Variants in UVRAG observed in about 807,000 individuals in gnomAD.
UVRAG encodes the protein UV radiation resistance associated, also known as UV radiation resistance-associated gene protein.
A neutral mutation model predicts 78.0 loss-of-function variants in UVRAG; 19 were observed. The observed-to-expected ratio is 0.24, with a 90% CI of 0.17 to 0.36. The LOEUF is 0.36. UVRAG is among the 10% of genes least tolerant of loss of function. The pLI is 1.00. For missense variants in UVRAG, 740 were observed against 853.8 expected, an observed-to-expected ratio of 0.87 and a Z score of 1.66; for synonymous variants, 323 against 324.6, an observed-to-expected ratio of 1.00 and a Z score of 0.05.
At chr11:75,969,156 C>A (rs547201438) in intron 7 of UVRAG, among the ~76,000 whole-genome samples, 2 of 152,302 alleles carry the variant, frequency 1.3e-5, no homozygotes, top group East Asian at 3.9e-4. Flanking sequence ...CCTCTACTCC[C>A]AGCCCCTGGC....
At chr11:76,129,524 T>C (rs972538566) in intron 14 of UVRAG, among the ~76,000 whole-genome samples, 7 of 152,316 alleles carry the variant, frequency 4.6e-5, no homozygotes, top group African/African-American at 1.7e-4. Flanking sequence ...CACAGCACAT[T>C]CTAAGTGCCC....
rs373109491 is a variant in UVRAG, at chr11:75,863,174, C to T, written c.270+1394C>T. ...GATTTGGATTCTAGGCCAGACAGTT[C>T]CTTGAGTCCATCTCTGGGGAGGTCC... On this transcript the variant is annotated intron_variant, in intron 3 of 14. Coordinates refer to ENST00000356136, the MANE Select transcript of UVRAG (RefSeq NM_003369.4). Among the ~76,000 whole-genome samples the T allele has an allele frequency of 5.3e-5, 8 of 152,294 alleles. No homozygotes were observed. In the East Asian group the frequency reaches 9.6e-4, roughly 18 times the overall value.
chr11:75,832,414 A>G (rs1945678798), intron 1 of UVRAG, among the ~76,000 whole-genome samples: 1 of 152,216 alleles, frequency 6.6e-6, no homozygotes, highest in Admixed American at 6.5e-5. Context: ...GGCTCACAGA[A>G]CTCAAGAAAA....
At chr11:75,996,088 C>T (rs1160196809) in intron 8 of UVRAG, among the ~76,000 whole-genome samples, 1 of 151,928 alleles carries the variant, frequency 6.6e-6, no homozygotes, top group Non-Finnish European at 1.5e-5. Flanking sequence ...CCAGTAATGT[C>T]TTATTTGTTT....
At chr11:76,065,638 C>T in intron 12 of UVRAG, 72 bp from the exon 13 acceptor site, 1 of 1,399,732 alleles carries the variant, frequency 7.1e-7, no homozygotes, top group South Asian at 1.2e-5. Context: ...GAAACTTCAG[C>T]CTCTGTTGAC....
intron 1 of UVRAG, among the ~76,000 whole-genome samples, chr11:75,843,823 G>T (rs1249773883): frequency 1.3e-5 from 2 of 152,120 alleles, no homozygotes; most frequent in Admixed American, 1.3e-4. Context: ...CCTGGGTGTG[G>T]TGGCAGGCGC....
At chr11:76,079,493 A>G (rs1031122518) in intron 13 of UVRAG, among the ~76,000 whole-genome samples, 1 of 150,506 alleles carries the variant, frequency 6.6e-6, no homozygotes, top group Non-Finnish European at 1.5e-5. Flanking sequence ...AAAAAAAAGA[A>G]AAAAAAAAAG....
At chr11:76,011,333 T>C (rs1262084336) in intron 11 of UVRAG, among the ~76,000 whole-genome samples, 1 of 152,190 alleles carries the variant, frequency 6.6e-6, no homozygotes, top group Non-Finnish European at 1.5e-5. Flanking sequence ...ACTTTAAAAA[T>C]CTTACATTGG....
intron 8 of UVRAG, among the ~76,000 whole-genome samples, chr11:75,986,847 A>C (rs1335127030): frequency 6.6e-6 from 1 of 151,578 alleles, no homozygotes; most frequent in Non-Finnish European, 1.5e-5. Context: ...TTATAAACAG[A>C]ATCATGCAAT....
chr11:75,873,337 G>GT (rs113715203), intron 3 of UVRAG, among the ~76,000 whole-genome samples: 8,696 of 146,334 alleles, frequency 0.059, 299 homozygotes, highest in African/African-American at 0.1. Flanking sequence ...GCCAGGAATA[G>GT]TTTTTTTTTT....
chr11:75,978,871 C>T (rs1949319434), intron 7 of UVRAG, among the ~76,000 whole-genome samples: 1 of 152,224 alleles, frequency 6.6e-6, no homozygotes, highest in Admixed American at 6.5e-5. Context: ...CTTCTTCTCT[C>T]TGCTCGTCAA....
intron 13 of UVRAG, among the ~76,000 whole-genome samples, chr11:76,090,706 A>AT (rs1318488458): frequency 2.0e-5 from 3 of 151,680 alleles, no homozygotes; most frequent in East Asian, 3.9e-4. Flanking sequence ...TTATTTTCTT[A>AT]TTTTTTCTTT....
chr11:76,100,296 A>G (rs180806944), intron 13 of UVRAG, among the ~76,000 whole-genome samples: 6 of 152,204 alleles, frequency 3.9e-5, no homozygotes, highest in Admixed American at 1.3e-4. Flanking sequence ...AGTGTGTCCT[A>G]ATATGTTTAA....
chr11:75,961,607 ATTC>A lies in UVRAG; in HGVS notation c.699+63_699+65del, dbSNP rs1051935745. On this transcript the variant is annotated intron_variant, in intron 7 of 14. Coordinates refer to ENST00000356136, the MANE Select transcript of UVRAG (RefSeq NM_003369.4). ...CTTGTTTTCTAAAGGAGAGTATCAT[ATTC>A]TTCTAGGGTTAATTTTAAAAAACGC... is the stretch of plus-strand genomic sequence containing the variant. The A allele has an allele frequency of 4.9e-5, 67 of 1,361,794 alleles. 1 individual carries two copies. The highest frequency in any genetic ancestry group is 6.1e-5 in the Non-Finnish European group (61 of 999,488). 84.4% of individuals were successfully genotyped at this position (1,361,794 alleles called of 1,614,324 possible). A position where few individuals can be genotyped will look rare whatever the true frequency, so the allele number is the denominator to read the frequency against.
intron 13 of UVRAG, among the ~76,000 whole-genome samples, chr11:76,098,669 G>C (rs1053022759): frequency 6.6e-6 from 1 of 152,144 alleles, no homozygotes; most frequent in African/African-American, 2.4e-5. Flanking sequence ...ATCATAATGT[G>C]CTCAAAGATG....
intron 12 of UVRAG, among the ~76,000 whole-genome samples, chr11:76,051,401 A>C (rs1950864317): frequency 6.6e-6 from 1 of 152,200 alleles, no homozygotes; most frequent in South Asian, 2.1e-4. Context: ...TATTAAAAAA[A>C]GACATGGTTT....
chr11:75,967,116 T>C (rs1249395924), intron 7 of UVRAG, among the ~76,000 whole-genome samples: 1 of 152,208 alleles, frequency 6.6e-6, no homozygotes, highest in Non-Finnish European at 1.5e-5. Context: ...CTCCAAAATA[T>C]GCCTGCCATT....
intron 12 of UVRAG, among the ~76,000 whole-genome samples, chr11:76,030,882 T>C (rs1439879316): frequency 6.6e-6 from 1 of 152,034 alleles, no homozygotes; most frequent in African/African-American, 2.4e-5. Flanking sequence ...ATATGTACTT[T>C]AATTTAATAA....
At chr11:75,871,591 G>T (rs1382636041) in intron 3 of UVRAG, among the ~76,000 whole-genome samples, 1 of 152,112 alleles carries the variant, frequency 6.6e-6, no homozygotes, top group African/African-American at 2.4e-5. Context: ...GACTGCATCT[G>T]CTCTTTTGCT....
Sources: gnomAD v4.1 joint callset for allele counts (sites outside exome capture counted in the v4.1 genomes callset) on GRCh38, gnomAD v4.1.1 for gene constraint, MANE v1.5 for transcripts, NCBI Gene and HGNC (gene_info 2026-07-23, HGNC 2026-07-21) for gene names.